The following CD44 variants were observed in gnomAD, a reference collection of about 807,000 sequenced individuals.
CD44 encodes the protein CD44 molecule (IN blood group).
Under a neutral mutation model 88.8 loss-of-function variants are expected in CD44, and 49 were observed. The ratio of observed to expected loss-of-function variants is 0.55; its 90% CI spans 0.44 to 0.70. CD44 has a LOEUF of 0.70. CD44 is among the 30% of genes least tolerant of loss of function. The probability of loss-of-function intolerance (pLI) is 0.00; values close to 1 mark genes in which losing one functional copy is unlikely to be tolerated. For synonymous variants in CD44, 325 were observed against 312.3 expected (o/e 1.04, Z -0.43); for missense variants, 883 against 913.8 (o/e 0.97, Z 0.43).
chr11:35,204,795 T>C, intron 10 of CD44, 155 bp downstream of exon 10: 1 of 647,848 alleles, frequency 1.5e-6, no homozygotes, highest in Non-Finnish European at 2.6e-6. Flanking sequence ...GAGCCAAACC[T>C]TAAAGGCTCA....
At chr11:35,164,131 C>T (rs1175960366) in intron 1 of CD44, among the ~76,000 whole-genome samples, 4 of 151,992 alleles carry the variant, frequency 2.6e-5, no homozygotes, top group African/African-American at 9.7e-5. Flanking sequence ...GTGTTACAGC[C>T]ACATCCATTA....
At chr11:35,161,363 T>C (rs1365541523) in intron 1 of CD44, among the ~76,000 whole-genome samples, 1 of 152,192 alleles carries the variant, frequency 6.6e-6, no homozygotes, top group African/African-American at 2.4e-5. Context: ...AGCCAGGACT[T>C]GGACCCAAGT....
At chr11:35,179,032 A>C (rs939840366) in intron 2 of CD44, among the ~76,000 whole-genome samples, 2 of 152,172 alleles carry the variant, frequency 1.3e-5, no homozygotes, top group East Asian at 3.8e-4. Context: ...ATTACCATTT[A>C]ATTGTGCCCA....
chr11:35,204,982 T>C (rs568016413), intron 10 of CD44: 6 of 205,252 alleles, frequency 2.9e-5, no homozygotes, highest in Admixed American at 1.1e-4. Flanking sequence ...ATCTACTCTA[T>C]AATGTGGGTC....
At chr11:35,169,099 T>G (rs891692629) in intron 1 of CD44, among the ~76,000 whole-genome samples, 2 of 152,132 alleles carry the variant, frequency 1.3e-5, no homozygotes, top group African/African-American at 4.8e-5. Context: ...AGGAACCTGA[T>G]AGGTGATCTT....
intron 2 of CD44, among the ~76,000 whole-genome samples, chr11:35,178,914 C>A (rs915416512): frequency 3.3e-5 from 5 of 152,298 alleles, no homozygotes; most frequent in African/African-American, 1.2e-4. Context: ...CAGCTTTCTG[C>A]CACAGGACAG....
At chr11:35,144,918 G>A (rs942290226) in intron 1 of CD44, among the ~76,000 whole-genome samples, 3 of 152,214 alleles carry the variant, frequency 2.0e-5, no homozygotes, top group Non-Finnish European at 2.9e-5. Context: ...CAGGACATGT[G>A]TACTTTGGAG....
chr11:35,169,686 A>T (rs750374942), intron 1 of CD44, among the ~76,000 whole-genome samples: 2 of 152,230 alleles, frequency 1.3e-5, no homozygotes, highest in Non-Finnish European at 2.9e-5. Flanking sequence ...CCAAGAAGCT[A>T]TTATTCCTCG....
Position 35,159,834 on chromosome 11 carries a change from C to T in CD44, c.68-16741C>T, listed in dbSNP as rs754314642. Among the ~76,000 whole-genome samples the T allele has an allele frequency of 1.3e-5, 2 of 152,244 alleles. 1 individual carries two copies. The highest frequency in any genetic ancestry group is 4.1e-4 in the South Asian group (2 of 4,836). ...GAGCTCCTTCTCCCTTTTAACACTACACTGCAAGTTCCCATTCAGCTTCAT... is the reference window on the plus strand; with the variant it reads ...GAGCTCCTTCTCCCTTTTAACACTATACTGCAAGTTCCCATTCAGCTTCAT... On this transcript the variant is annotated intron_variant, in intron 1 of 17. Transcript: ENST00000428726.
chr11:35,227,011 A>C (rs1259168490), intron 17 of CD44, among the ~76,000 whole-genome samples: 1 of 147,472 alleles, frequency 6.8e-6, no homozygotes, highest in Non-Finnish European at 1.5e-5. Context: ...CAGTCTCCTG[A>C]GTAGTTGGGA....
intron 1 of CD44, among the ~76,000 whole-genome samples, chr11:35,147,948 G>A (rs562315506): frequency 1.4e-3 from 218 of 152,100 alleles, no homozygotes; most frequent in African/African-American, 4.8e-3. Context: ...AAAATTAGCC[G>A]GGCATGGTGG....
intron 1 of CD44, among the ~76,000 whole-genome samples, chr11:35,161,679 A>G (rs1942637364): frequency 6.6e-6 from 1 of 152,020 alleles, no homozygotes; most frequent in Admixed American, 6.6e-5. Flanking sequence ...CCCAAATGGA[A>G]CTCTTATCCC....
chr11:35,156,358 G>A (rs755089430), intron 1 of CD44, among the ~76,000 whole-genome samples: 7 of 152,272 alleles, frequency 4.6e-5, no homozygotes, highest in Middle Eastern at 3.4e-3. Flanking sequence ...ATAGTTAAAG[G>A]ATTTGTGATG....
intron 5 of CD44, among the ~76,000 whole-genome samples, chr11:35,192,799 T>C (rs1421684359): frequency 8.0e-5 from 12 of 150,838 alleles, no homozygotes. Flanking sequence ...TCTTTTTTTT[T>C]TTTTTTTTTT....
At chr11:35,223,799 A>G (rs1949497935) in intron 17 of CD44, among the ~76,000 whole-genome samples, 1 of 152,200 alleles carries the variant, frequency 6.6e-6, no homozygotes, top group Admixed American at 6.5e-5. Context: ...ACCCATTTCT[A>G]ATCCCCTTCA....
At chr11:35,209,857 T>C in intron 12 of CD44, 108 bp from the exon 13 acceptor site, 1 of 685,650 alleles carries the variant, frequency 1.5e-6, no homozygotes, top group Non-Finnish European at 2.5e-6. Flanking sequence ...GGTCTTCCTA[T>C]GCACCTATCC....
rs754083609 is a variant in CD44, at chr11:35,209,948, A to C, written c.1517-17A>C. The C allele has an allele frequency of 3.3e-6, 5 of 1,510,792 alleles. No homozygotes were observed. Among genetic ancestry groups the C allele is most frequent in the Non-Finnish European group, 4.5e-6 (5 of 1,109,376 alleles). 93.6% of individuals were successfully genotyped at this position (1,510,792 alleles called of 1,614,324 possible). A position where few individuals can be genotyped will look rare whatever the true frequency, so the allele number is the denominator to read the frequency against. ...GTAGCTTCAAATTAACACTGGATTC[A>C]TTCCTCATTGAAACAGAGCAGAGTA... On this transcript the variant is annotated splice_polypyrimidine_tract_variant and intron_variant, in intron 12 of 17. Coordinates refer to ENST00000428726, the MANE Select transcript of CD44 (RefSeq NM_000610.4).
intron 1 of CD44, among the ~76,000 whole-genome samples, chr11:35,146,516 G>A (rs114776498): frequency 0.04 from 6,109 of 152,256 alleles, 143 homozygotes; most frequent in African/African-American, 0.064. Context: ...ATGTACCAGC[G>A]CCATTCTAAT....
chr11:35,186,115 T>A (rs1044662061), intron 3 of CD44, among the ~76,000 whole-genome samples: 3 of 152,096 alleles, frequency 2.0e-5, no homozygotes, highest in Non-Finnish European at 4.4e-5. Context: ...TGAAAAATAT[T>A]CTGGGCACCT....
Sources: allele counts gnomAD v4.1 joint callset (sites outside exome capture counted in the v4.1 genomes callset), GRCh38; gene constraint gnomAD v4.1.1; transcripts MANE v1.5; gene names NCBI Gene and HGNC (gene_info 2026-07-23, HGNC 2026-07-21).